Variants in PKNOX2 observed in about 807,000 individuals in gnomAD.
PKNOX2 encodes PBX/knotted 1 homeobox 2, also known as homeobox protein PKNOX2.
In PKNOX2, 14 loss-of-function variants were observed where a neutral mutation model predicts 53.1. That is an observed-to-expected ratio of 0.26 (90% CI 0.17 to 0.41). PKNOX2 has a LOEUF of 0.41. Among genes scored for constraint, PKNOX2 ranks in the 10% least tolerant of loss-of-function variants. PKNOX2 has a pLI of 1.00. For synonymous variants in PKNOX2, 257 were observed against 242.8 expected, an observed-to-expected ratio of 1.06 and a Z score of -0.54; for missense variants, 496 against 602.8, an observed-to-expected ratio of 0.82 and a Z score of 1.85.
At chr11:125,303,782 C>T (rs536778093) in intron 2 of PKNOX2, among the ~76,000 whole-genome samples, 7 of 152,324 alleles carry the variant, frequency 4.6e-5, no homozygotes, top group Admixed American at 2.6e-4. Context: ...AAAGAGGGCA[C>T]TCCCCCTTAC....
chr11:125,199,564 C>T (rs1221870557), intron 1 of PKNOX2, among the ~76,000 whole-genome samples: 1 of 152,210 alleles, frequency 6.6e-6, no homozygotes, highest in African/African-American at 2.4e-5. Flanking sequence ...CCTGGGTTGG[C>T]CAGGTGCTGT....
intron 2 of PKNOX2, among the ~76,000 whole-genome samples, chr11:125,306,326 G>A (rs1367048767): frequency 2.6e-5 from 4 of 152,242 alleles, no homozygotes; most frequent in South Asian, 2.1e-4. Flanking sequence ...CCACTGGAGC[G>A]CTACCAGGGC....
intron 3 of PKNOX2, among the ~76,000 whole-genome samples, chr11:125,332,336 C>G (rs1184981518): frequency 6.6e-6 from 1 of 152,106 alleles, no homozygotes; most frequent in African/African-American, 2.4e-5. Context: ...ACCCCAAAGC[C>G]AAAGCTTCTG....
At chr11:125,336,737 GT>G (rs1232191055) in intron 3 of PKNOX2, among the ~76,000 whole-genome samples, 1 of 145,308 alleles carries the variant, frequency 6.9e-6, no homozygotes, top group Non-Finnish European at 1.5e-5. Context: ...ACATAATACT[GT>G]ATACTACATG....
In PKNOX2 at chr11:125,405,979, C is replaced by T. The variant is rs532939449; in HGVS notation, c.589-4217C>T. On this transcript the variant is annotated intron_variant, in intron 7 of 12. Coordinates refer to ENST00000298282, the MANE Select transcript of PKNOX2 (RefSeq NM_001382323.2). ...TCCCCAGGTTCCTGGATAATTCCAG[C>T]AGGGATGTGAGGCTCTGGGTGCTGA... is the stretch of plus-strand genomic sequence containing the variant. 7.9e-5 allele frequency among the ~76,000 whole-genome samples: 12 copies of T among 152,300 alleles called. No individual in the cohort carries two copies. The South Asian group carries it at 1.0e-3, about 13-fold the overall frequency.
At chr11:125,332,558 C>T (rs1186107561) in intron 3 of PKNOX2, 1 of 152,136 alleles carries the variant, frequency 6.6e-6, no homozygotes, top group Non-Finnish European at 1.5e-5. Flanking sequence ...ACGTAAGTAT[C>T]AATATAGGCA....
intron 10 of PKNOX2, among the ~76,000 whole-genome samples, chr11:125,421,855 G>A (rs575805135): frequency 2.0e-5 from 3 of 152,350 alleles, no homozygotes; most frequent in South Asian, 2.1e-4. Flanking sequence ...CAAGGACACC[G>A]CTGTCTGCAC....
chr11:125,263,685 T>A (rs56318109), intron 2 of PKNOX2, among the ~76,000 whole-genome samples: 40,552 of 152,088 alleles, frequency 0.27, 6,308 homozygotes, highest in Non-Finnish European at 0.36. Flanking sequence ...GCTATCTCAG[T>A]CCGGTCTTCG....
chr11:125,412,608 G>A (rs1348735083), intron 10 of PKNOX2, among the ~76,000 whole-genome samples: 3 of 152,168 alleles, frequency 2.0e-5, no homozygotes, highest in East Asian at 3.9e-4. Context: ...AGTAAATAAA[G>A]GCCAGTGACT....
chr11:125,325,433 T>G (rs752178445), intron 2 of PKNOX2, among the ~76,000 whole-genome samples: 2 of 152,148 alleles, frequency 1.3e-5, no homozygotes, highest in Non-Finnish European at 2.9e-5. Flanking sequence ...CTTGGAGATA[T>G]GGTCCCAGGT....
intron 2 of PKNOX2, among the ~76,000 whole-genome samples, chr11:125,272,700 A>G (rs1471023819): frequency 6.6e-6 from 1 of 152,148 alleles, no homozygotes; most frequent in African/African-American, 2.4e-5. Flanking sequence ...ACTTCCTCCA[A>G]GAGGAACAGC....
At chr11:125,179,739 T>C (rs143094890) in intron 1 of PKNOX2, among the ~76,000 whole-genome samples, 1 of 152,306 alleles carries the variant, frequency 6.6e-6, no homozygotes, top group Non-Finnish European at 1.5e-5. Flanking sequence ...GCTATAGTCC[T>C]GGACAGAGAG....
At chr11:125,393,045 C>T (rs1370511307) in intron 6 of PKNOX2, among the ~76,000 whole-genome samples, 1 of 151,364 alleles carries the variant, frequency 6.6e-6, no homozygotes, top group Non-Finnish European at 1.5e-5. Flanking sequence ...GGCGTGGTCC[C>T]AGCTGCTTGG....
intron 3 of PKNOX2, among the ~76,000 whole-genome samples, chr11:125,342,659 A>T (rs907744769): frequency 6.6e-6 from 1 of 152,090 alleles, no homozygotes; most frequent in Non-Finnish European, 1.5e-5. Flanking sequence ...CTTGACAAAT[A>T]ATAATAAACC....
intron 2 of PKNOX2, among the ~76,000 whole-genome samples, chr11:125,271,249 C>T (rs1945769674): frequency 6.6e-6 from 1 of 152,202 alleles, no homozygotes; most frequent in South Asian, 2.1e-4. Flanking sequence ...AGTTTTCAAA[C>T]TTTGCTACAA....
intron 2 of PKNOX2, among the ~76,000 whole-genome samples, chr11:125,302,922 C>T (rs763478247): frequency 8.5e-5 from 13 of 152,192 alleles, no homozygotes; most frequent in Non-Finnish European, 1.5e-4. Flanking sequence ...CACCCTAGCT[C>T]GCTGCTCCAC....
chr11:125,221,349 A>C (rs544188441), intron 1 of PKNOX2, among the ~76,000 whole-genome samples: 3 of 152,260 alleles, frequency 2.0e-5, no homozygotes, highest in African/African-American at 7.2e-5. Flanking sequence ...AACTCTAGGC[A>C]AAATAAGCAT....
intron 10 of PKNOX2, among the ~76,000 whole-genome samples, chr11:125,427,104 C>T (rs762720212): frequency 6.6e-5 from 10 of 152,216 alleles, no homozygotes; most frequent in Non-Finnish European, 1.0e-4. Context: ...AGGGAGGCTG[C>T]TTGGCTCTTT....
intron 2 of PKNOX2, among the ~76,000 whole-genome samples, chr11:125,302,773 GGT>G (rs1456307980): frequency 4.6e-5 from 7 of 152,206 alleles, no homozygotes; most frequent in South Asian, 2.1e-4. Context: ...CTCAAAGGGA[GGT>G]GCCGTGTTCC....
Sources: gnomAD v4.1 joint callset for allele counts (sites outside exome capture counted in the v4.1 genomes callset) on GRCh38, gnomAD v4.1.1 for gene constraint, MANE v1.5 for transcripts, NCBI Gene and HGNC (gene_info 2026-07-23, HGNC 2026-07-21) for gene names.